The following SOS1 variants were observed in gnomAD, a reference collection of about 807,000 sequenced individuals.
The protein encoded by SOS1 is son of sevenless homolog 1.
In SOS1, 25 loss-of-function variants were observed where a neutral mutation model predicts 157.6. That is an observed-to-expected ratio of 0.16 (90% CI 0.12 to 0.22). The LOEUF (loss-of-function observed/expected upper bound fraction) is 0.22. Ranked by LOEUF, SOS1 falls within the 10% of genes least tolerant of loss-of-function variation. The pLI is 1.00. For synonymous variants in SOS1, 528 were observed against 534.0 expected, an observed-to-expected ratio of 0.99 and a Z score of 0.16; for missense variants, 1,237 against 1,599.1, an observed-to-expected ratio of 0.77 and a Z score of 3.86.
intron 20 of SOS1, among the ~76,000 whole-genome samples, chr2:38,989,560 A>G (rs116097223): frequency 0.047 from 7,149 of 152,212 alleles, 412 homozygotes; most frequent in African/African-American, 0.14. Context: ...CATTCATAAA[A>G]AAATCGTATA....
At chr2:39,091,417 C>G (rs1672590222) in intron 1 of SOS1, among the ~76,000 whole-genome samples, 1 of 152,034 alleles carries the variant, frequency 6.6e-6, no homozygotes. Flanking sequence ...CCTGTGAATC[C>G]AAATGAAAAA....
At chr2:39,018,812 T>A (rs1228914543) in intron 10 of SOS1, among the ~76,000 whole-genome samples, 4 of 151,812 alleles carry the variant, frequency 2.6e-5, no homozygotes, top group Non-Finnish European at 4.4e-5. Flanking sequence ...TGCAGCCATT[T>A]AAAAAGCTAC....
In SOS1 at chr2:39,018,695, T is replaced by C. The variant is rs188407716; in HGVS notation, c.1859-3849A>G. Reference sequence around the variant, plus strand: ...TTGACAAGGTCAATGAAATTTGTATTTATTACATAAAAAAGTTATTTATGT... The same window carrying C: ...TTGACAAGGTCAATGAAATTTGTATCTATTACATAAAAAAGTTATTTATGT... On this transcript the variant is annotated intron_variant, in intron 10 of 22. Transcript: ENST00000402219. Among the ~76,000 whole-genome samples the C allele has an allele frequency of 7.2e-4, 110 of 151,888 alleles. No individual in the cohort carries two copies. In the East Asian group the frequency reaches 7.7e-3, roughly 11 times the overall value.
intron 10 of SOS1, among the ~76,000 whole-genome samples, chr2:39,018,572 CTCAGAGTATACCTACA>C (rs745637194): frequency 1.2e-4 from 18 of 151,764 alleles, no homozygotes; most frequent in Admixed American, 4.6e-4. Context: ...ATTTTAGGAA[CTCAGAGTATACCTACA>C]TTAGTGTTCA....
At chr2:39,045,273 A>AGAGAGAGTGTGTGT (rs138343013) in intron 6 of SOS1, among the ~76,000 whole-genome samples, 16 of 108,088 alleles carry the variant, frequency 1.5e-4, no homozygotes, top group East Asian at 2.7e-4. Flanking sequence ...AGAGAGAGAG[A>AGAGAGAGTGTGTGT]GTGTGTGTGT....
At position 39,013,478 on chromosome 2, in the gene SOS1, A is replaced by C; in HGVS notation, c.2149T>G (p.Phe717Val). 1 of 1,610,542 alleles carries C rather than the reference A, an allele frequency of 6.2e-7. No homozygotes were observed. The highest frequency in any genetic ancestry group is 1.7e-5 in the Admixed American group (1 of 59,980). Reference sequence around the variant, plus strand: ...AACATACCTCTTACTGTTCCAATAAATTCTTCCATTCGTTGCAAAAGATAT... The same window carrying C: ...AACATACCTCTTACTGTTCCAATAACTTCTTCCATTCGTTGCAAAAGATAT... The part of the protein sequence containing the change: ...DAYLLQRMEE[F>V]IGTVRGKAMK... Residue 717 changes from phenylalanine (F) to valine (V), a missense_variant, in exon 13 of 23, where the codon TTT (phenylalanine) becomes GTT (valine). This residue lies in a region of SOS1 where 42 missense variants were observed against 80.4 expected (regional missense o/e 0.52). Coordinates refer to ENST00000402219, the MANE Select transcript of SOS1 (RefSeq NM_005633.4).
chr2:39,047,885 C>G (rs1670847850), intron 6 of SOS1, among the ~76,000 whole-genome samples: 1 of 152,198 alleles, frequency 6.6e-6, no homozygotes. Context: ...CCAGGCTCGT[C>G]TCAAACTCCT....
intron 15 of SOS1, 107 bp downstream of exon 15, chr2:39,010,477 A>C: frequency 9.8e-7 from 1 of 1,017,742 alleles, no homozygotes; most frequent in Non-Finnish European, 1.5e-6. Context: ...ACTCCAGCCT[A>C]TGTGACAGAG....
In SOS1 at chr2:39,078,769, G is replaced by A. The variant is rs570293318; in HGVS notation, c.88-11016C>T. On this transcript the variant is annotated intron_variant, in intron 1 of 22. Coordinates refer to ENST00000402219, the MANE Select transcript of SOS1 (RefSeq NM_005633.4). The stretch of plus-strand genomic sequence containing the variant: ...CAAAACCAGTCCCTGGTGCCAAAAA[G>A]GTTGGGGACTGGCCGGGCGCGGTGA... Among the ~76,000 whole-genome samples, 16 of 152,258 alleles carry A rather than the reference G, an allele frequency of 1.1e-4. No homozygotes were observed. The East Asian group carries it at 3.1e-3, about 29-fold the overall frequency.
At chr2:38,998,152 A>G (rs183270084) in intron 17 of SOS1, among the ~76,000 whole-genome samples, 32 of 152,258 alleles carry the variant, frequency 2.1e-4, no homozygotes, top group Admixed American at 5.9e-4. Context: ...CGAGGAGGAG[A>G]ATGAACAAAA....
chr2:39,031,048 G>A lies in SOS1; in HGVS notation c.1074+4164C>T, dbSNP rs560939672. On this transcript the variant is annotated intron_variant, in intron 8 of 22. Coordinates refer to ENST00000402219, the MANE Select transcript of SOS1 (RefSeq NM_005633.4). ...TTCTTCCTTAGAGCCTTTAGAGAAA[G>A]TGTGGCCCTGCCCACACCCTGATTT... Among the ~76,000 whole-genome samples the A allele has an allele frequency of 3.6e-4, 54 of 152,106 alleles. No individual in the cohort carries two copies. The South Asian group carries it at 6.9e-3, about 19-fold the overall frequency.
chr2:39,056,975 G>A, intron 3 of SOS1, 109 bp from the exon 4 acceptor site: 2 of 782,572 alleles, frequency 2.6e-6, no homozygotes, highest in Non-Finnish European at 4.4e-6. Context: ...TTTTTCCTGA[G>A]GCCTGTGCTT....
intron 1 of SOS1, among the ~76,000 whole-genome samples, chr2:39,071,490 C>T (rs1042508043): frequency 3.9e-5 from 6 of 152,136 alleles, no homozygotes; most frequent in African/African-American, 1.4e-4. Context: ...TCATTGGTTA[C>T]ACAAAGGATC....
intron 1 of SOS1, among the ~76,000 whole-genome samples, chr2:39,100,144 A>G (rs147414000): frequency 1.3e-5 from 2 of 152,360 alleles, no homozygotes; most frequent in Non-Finnish European, 1.5e-5. Context: ...ACCTGTTAGA[A>G]TGACTCTTTT....
rs562340817 is a variant in SOS1 at position 39,043,096 on chromosome 2, TTAAC to T, written c.865-7600_865-7597del. ...TCTAGTTTCTTAGTTTTGCTATAGT[TTAAC>T]TATTATTATATCTCTTACAGACTTT... On this transcript the variant is annotated intron_variant, in intron 6 of 22. Transcript: ENST00000402219. Among the ~76,000 whole-genome samples, 90 of 152,338 alleles carry T rather than the reference TTAAC, an allele frequency of 5.9e-4. 2 individuals are homozygous for T. In the South Asian group the frequency reaches 0.018, roughly 31 times the overall value.
chr2:39,057,742 G>A (rs1004871432), intron 3 of SOS1, among the ~76,000 whole-genome samples: 1 of 151,748 alleles, frequency 6.6e-6, no homozygotes, highest in Admixed American at 6.6e-5. Flanking sequence ...TTCAACATAT[G>A]GCCAATGAAA....
intron 1 of SOS1, among the ~76,000 whole-genome samples, chr2:39,073,406 T>G (rs113800708): frequency 0.018 from 2,795 of 152,350 alleles, 102 homozygotes; most frequent in African/African-American, 0.064. Context: ...AAATTTCATA[T>G]ACTTCTTTAT....
intron 1 of SOS1, among the ~76,000 whole-genome samples, chr2:39,110,645 A>G (rs1268163669): frequency 6.6e-6 from 1 of 152,258 alleles, no homozygotes; most frequent in African/African-American, 2.4e-5. Context: ...CCTACCTTGT[A>G]TCACAACACA....
At chr2:38,998,233 A>AT (rs953628635) in intron 17 of SOS1, among the ~76,000 whole-genome samples, 36 of 146,394 alleles carry the variant, frequency 2.5e-4, no homozygotes, top group South Asian at 4.4e-4. Context: ...GTGTGATCTT[A>AT]TTTTTTTTTT....
Sources: gnomAD v4.1 joint callset for allele counts (sites outside exome capture counted in the v4.1 genomes callset) on GRCh38, gnomAD v4.1.1 for gene constraint, gnomAD v4.1.1 regional missense constraint, MANE v1.5 for transcripts, NCBI Gene and HGNC (gene_info 2026-07-23, HGNC 2026-07-21) for gene names.